The following SLC25A13 variants were observed in gnomAD, a reference collection of about 807,000 sequenced individuals.
SLC25A13 encodes the protein electrogenic aspartate/glutamate antiporter SLC25A13, mitochondrial.
Under a neutral mutation model 85.5 loss-of-function variants are expected in SLC25A13, and 70 were observed. The observed-to-expected ratio is 0.82, with a 90% CI of 0.68 to 1.00. The LOEUF is 1.00. Among genes scored for constraint, SLC25A13 ranks in the 50% least tolerant of loss-of-function variants. SLC25A13 has a pLI of 0.00. For synonymous variants in SLC25A13, 259 were observed against 288.7 expected (o/e 0.90, Z 1.04); for missense variants, 765 against 819.8 (o/e 0.93, Z 0.82).
intron 1 of SLC25A13, among the ~76,000 whole-genome samples, chr7:96,311,449 A>C (rs1258932023): frequency 6.6e-6 from 1 of 152,212 alleles, no homozygotes; most frequent in Non-Finnish European, 1.5e-5. Context: ...CAACACCACA[A>C]AGACGTAATC....
chr7:96,227,700 A>G (rs1796373354), intron 4 of SLC25A13, among the ~76,000 whole-genome samples: 1 of 152,220 alleles, frequency 6.6e-6, no homozygotes, highest in Admixed American at 6.5e-5. Flanking sequence ...GGCAATCGAC[A>G]TATCCTTGGG....
intron 3 of SLC25A13, among the ~76,000 whole-genome samples, chr7:96,245,650 A>C (rs1221091868): frequency 2.0e-5 from 3 of 152,198 alleles, no homozygotes; most frequent in African/African-American, 7.2e-5. Context: ...CATTTTAATT[A>C]CATCATGGAT....
chr7:96,267,630 A>G (rs1798082853), intron 3 of SLC25A13, among the ~76,000 whole-genome samples: 1 of 152,048 alleles, frequency 6.6e-6, no homozygotes, highest in Admixed American at 6.5e-5. Context: ...CCTGACCAAC[A>G]TGGGGAGACC....
intron 2 of SLC25A13, among the ~76,000 whole-genome samples, chr7:96,292,431 G>T (rs1421419516): frequency 1.3e-5 from 2 of 152,132 alleles, no homozygotes; most frequent in Non-Finnish European, 2.9e-5. Flanking sequence ...CCTGGCCAGG[G>T]CAATCAGGCA....
chr7:96,315,790 G>GA lies in SLC25A13; in HGVS notation c.15+6151dup, dbSNP rs1426358478. On this transcript the variant is annotated intron_variant, in intron 1 of 17. Coordinates refer to ENST00000265631, the MANE Select transcript of SLC25A13 (RefSeq NM_014251.3). ...CTTAGTAGAGTTTTTACATAGGGGA[G>GA]AAAAAACCCTGCCATTTGAAGAATA... is the stretch of plus-strand genomic sequence containing the variant. 2.0e-5 allele frequency among the ~76,000 whole-genome samples: 3 copies of GA among 152,108 alleles called. No individual in the cohort carries two copies. The East Asian group carries it at 5.8e-4, about 29-fold the overall frequency.
intron 4 of SLC25A13, among the ~76,000 whole-genome samples, chr7:96,211,809 T>A (rs1795708826): frequency 6.6e-6 from 1 of 152,158 alleles, no homozygotes; most frequent in African/African-American, 2.4e-5. Flanking sequence ...GTGCACTGCA[T>A]ACAAATCATC....
At chr7:96,187,315 T>C (rs1424831859) in intron 9 of SLC25A13, among the ~76,000 whole-genome samples, 1 of 152,248 alleles carries the variant, frequency 6.6e-6, no homozygotes, top group African/African-American at 2.4e-5. Context: ...GAATTTTAGT[T>C]GCTGTCAATG....
Position 96,121,868 on chromosome 7 carries a change from C to T in SLC25A13, c.1721G>A (p.Gly574Glu). 6.2e-7 allele frequency: 1 copy of T among 1,614,176 alleles called. No individual in the cohort carries two copies. The highest frequency in any genetic ancestry group is 8.5e-7 in the Non-Finnish European group (1 of 1,180,022). ...AGCTCCCTTCCACAGAGCTTTTGGT[C>T]CTTCTTCACGCAGTATCTTTCTAAA... ...DCFRKILREEGPKALWKGAGA... is the reference protein window; with the variant it reads ...DCFRKILREEEPKALWKGAGA... Residue 574 changes from glycine to glutamate, a missense_variant, in exon 16 of 18, where the codon GGA (glycine) becomes GAA (glutamate). Coordinates refer to ENST00000265631, the MANE Select transcript of SLC25A13 (RefSeq NM_014251.3).
chr7:96,165,983 A>G (rs1055581855), intron 13 of SLC25A13, among the ~76,000 whole-genome samples: 4 of 152,258 alleles, frequency 2.6e-5, no homozygotes, highest in African/African-American at 9.6e-5. Flanking sequence ...TAAACACATC[A>G]TGCATATGGG....
At chr7:96,168,171 C>A (rs535066830) in intron 13 of SLC25A13, among the ~76,000 whole-genome samples, 63 of 134,956 alleles carry the variant, frequency 4.7e-4, no homozygotes, top group Non-Finnish European at 8.6e-4. Context: ...GAAAATGGAA[C>A]CATCCATTCA....
At chr7:96,298,922 G>A (rs1457278664) in intron 1 of SLC25A13, among the ~76,000 whole-genome samples, 1 of 151,956 alleles carries the variant, frequency 6.6e-6, no homozygotes, top group Non-Finnish European at 1.5e-5. Flanking sequence ...AAGAGAAGAT[G>A]GGACAGCATA....
At chr7:96,307,976 A>C (rs1236821101) in intron 1 of SLC25A13, among the ~76,000 whole-genome samples, 1 of 151,854 alleles carries the variant, frequency 6.6e-6, no homozygotes, top group Non-Finnish European at 1.5e-5. Context: ...CCACGGAGAA[A>C]CTCAGTCTCT....
At chr7:96,188,411 T>C (rs1215400348) in intron 9 of SLC25A13, among the ~76,000 whole-genome samples, 1 of 152,190 alleles carries the variant, frequency 6.6e-6, no homozygotes, top group African/African-American at 2.4e-5. Flanking sequence ...GGTCTGACAG[T>C]CCTAAAAGTG....
chr7:96,125,340 C>G (rs1389490560), intron 15 of SLC25A13, among the ~76,000 whole-genome samples: 1 of 152,196 alleles, frequency 6.6e-6, no homozygotes, highest in African/African-American at 2.4e-5. Context: ...AATCCGCCCA[C>G]CTTGGCCTCC....
intron 1 of SLC25A13, among the ~76,000 whole-genome samples, chr7:96,307,398 A>G (rs1799788581): frequency 6.6e-6 from 1 of 152,092 alleles, no homozygotes; most frequent in Non-Finnish European, 1.5e-5. Flanking sequence ...GTTTGCTTTG[A>G]AAAACATATG....
At chr7:96,161,151 A>C (rs900152604) in intron 13 of SLC25A13, among the ~76,000 whole-genome samples, 1 of 152,170 alleles carries the variant, frequency 6.6e-6, no homozygotes, top group African/African-American at 2.4e-5. Flanking sequence ...GTTTATCTTC[A>C]TCCTGTTCTT....
rs1794918048 is a variant in SLC25A13 at position 96,193,026 on chromosome 7, T to A, written c.615+11A>T. On this transcript the variant is annotated intron_variant, in intron 6 of 17. Transcript: ENST00000265631. The stretch of plus-strand genomic sequence containing the variant: ...AGTTAAACCACTTCATTAGGGCAAG[T>A]TACAACTTACAGCTACTAGACATTC... 6.2e-7 allele frequency: 1 copy of A among 1,613,844 alleles called. No individual in the cohort carries two copies. Among genetic ancestry groups the A allele is most frequent in the South Asian group, 1.1e-5 (1 of 91,084 alleles).
At chr7:96,255,912 G>A (rs1797616142) in intron 3 of SLC25A13, among the ~76,000 whole-genome samples, 1 of 152,128 alleles carries the variant, frequency 6.6e-6, no homozygotes, top group Non-Finnish European at 1.5e-5. Flanking sequence ...GAGAGTAGGG[G>A]CCAATATTCA....
rs6957975 is a variant in SLC25A13, at chr7:96,234,796, T to C, written c.328+6A>G. ...ACACAGACGTGCACAGAAGCATGCT[T>C]CTTACCAAAAGTTACTTCTCCTTTG... On this transcript the variant is annotated splice_donor_region_variant and intron_variant, in intron 4 of 17. Transcript: ENST00000265631. The C allele has an allele frequency of 0.64, 1,023,796 of 1,608,688 alleles. 329,405 individuals carry two copies. The highest frequency in any genetic ancestry group is 0.75 in the African/African-American group (56,105 of 74,812).
Sources: gnomAD v4.1 joint callset for allele counts (sites outside exome capture counted in the v4.1 genomes callset) on GRCh38, gnomAD v4.1.1 for gene constraint, MANE v1.5 for transcripts, NCBI Gene and HGNC (gene_info 2026-07-23, HGNC 2026-07-21) for gene names.